CYTH1: variants seen among roughly 807,000 people sequenced by gnomAD.
CYTH1 encodes the protein cytohesin 1, also known as cytohesin-1.
A neutral mutation model predicts 61.8 loss-of-function variants in CYTH1; 18 were observed. The observed-to-expected ratio is 0.29, with a 90% CI of 0.20 to 0.43. CYTH1 has a LOEUF of 0.43. Ranked by LOEUF, CYTH1 falls within the 20% of genes least tolerant of loss-of-function variation. The pLI is 1.00. For synonymous variants in CYTH1, 174 were observed against 184.3 expected (o/e 0.94, Z 0.45); for missense variants, 336 against 510.5 (o/e 0.66, Z 3.29).
chr17:78,676,493 G>A (rs150955528), intron 13 of CYTH1: 27 of 326,066 alleles, frequency 8.3e-5, no homozygotes, highest in African/African-American at 5.6e-4. Flanking sequence ...AAAGACTGGT[G>A]CTTGAGTTTC....
chr17:78,733,695 G>A (rs985706359), intron 1 of CYTH1, among the ~76,000 whole-genome samples: 4 of 152,260 alleles, frequency 2.6e-5, no homozygotes, highest in Non-Finnish European at 5.9e-5. Context: ...AGGCTTCAGA[G>A]GGGCCAACCT....
At chr17:78,734,077 T>C (rs2093308447) in intron 1 of CYTH1, among the ~76,000 whole-genome samples, 1 of 151,992 alleles carries the variant, frequency 6.6e-6, no homozygotes, top group African/African-American at 2.4e-5. Context: ...TGGTGAAACC[T>C]CGTCTCTGCA....
intron 1 of CYTH1, among the ~76,000 whole-genome samples, chr17:78,744,159 A>G (rs1339663459): frequency 2.0e-5 from 3 of 152,204 alleles, no homozygotes; most frequent in Non-Finnish European, 4.4e-5. Context: ...CTGTATCTTC[A>G]CAGCCTTCTT....
intron 13 of CYTH1, among the ~76,000 whole-genome samples, chr17:78,679,634 C>G (rs1028776936): frequency 6.6e-6 from 1 of 152,224 alleles, no homozygotes; most frequent in African/African-American, 2.4e-5. Context: ...GTGGAGCCAA[C>G]AGAGCCGAGA....
chr17:78,778,450 C>T (rs1172955729), intron 1 of CYTH1, among the ~76,000 whole-genome samples: 1 of 151,600 alleles, frequency 6.6e-6, no homozygotes, highest in Non-Finnish European at 1.5e-5. Context: ...CCAGCCTGGC[C>T]AATATGGTGA....
intron 7 of CYTH1, among the ~76,000 whole-genome samples, chr17:78,699,923 G>A (rs1226308338): frequency 4.6e-5 from 7 of 152,090 alleles, no homozygotes; most frequent in Admixed American, 6.5e-5. Flanking sequence ...ACAAATAGCC[G>A]GGACTACAGG....
chr17:78,760,043 G>C (rs2093415840), intron 1 of CYTH1, among the ~76,000 whole-genome samples: 1 of 152,188 alleles, frequency 6.6e-6, no homozygotes, highest in South Asian at 2.1e-4. Flanking sequence ...GCTAGAGTAA[G>C]GAACCAGAAT....
chr17:78,693,497 C>T (rs1396200271), intron 10 of CYTH1, among the ~76,000 whole-genome samples: 1 of 151,912 alleles, frequency 6.6e-6, no homozygotes, highest in Non-Finnish European at 1.5e-5. Context: ...TGGCACATGC[C>T]TATAGTTCCA....
chr17:78,717,504 G>A lies in CYTH1; in HGVS notation c.23-7772C>T, dbSNP rs1368413606. The stretch of plus-strand genomic sequence containing the variant: ...CTTTCATTTATTTATTTATTTAAAT[G>A]TTGCTTTGCAGATTTTAACAGTCGG... On this transcript the variant is annotated intron_variant, in intron 1 of 13. Coordinates refer to ENST00000446868, the MANE Select transcript of CYTH1 (RefSeq NM_004762.6). This position sits in a 1 kb window ranked among gnomAD's most constrained non-coding sequence, Gnocchi z 4.4. Among the ~76,000 whole-genome samples, 1 of 152,158 alleles carries A rather than the reference G, an allele frequency of 6.6e-6. No individual in the cohort carries two copies. Among genetic ancestry groups the A allele is most frequent in the Non-Finnish European group, 1.5e-5 (1 of 68,022 alleles).
chr17:78,694,245 A>G (rs936436706), intron 10 of CYTH1, among the ~76,000 whole-genome samples: 1 of 152,200 alleles, frequency 6.6e-6, no homozygotes, highest in African/African-American at 2.4e-5. Flanking sequence ...TTAATTGCCA[A>G]GATTCCAAAT....
intron 10 of CYTH1, among the ~76,000 whole-genome samples, chr17:78,695,772 C>T (rs2092932008): frequency 6.6e-6 from 1 of 152,138 alleles, no homozygotes; most frequent in Non-Finnish European, 1.5e-5. Flanking sequence ...TGTTTTCTTG[C>T]ATTACTGCAT....
At chr17:78,771,419 G>A (rs574293979) in intron 1 of CYTH1, among the ~76,000 whole-genome samples, 2 of 152,000 alleles carry the variant, frequency 1.3e-5, no homozygotes, top group Admixed American at 6.6e-5. Flanking sequence ...CAACCTGGAC[G>A]ACACAGCAAG....
At chr17:78,754,161 C>T (rs1352920814) in intron 1 of CYTH1, among the ~76,000 whole-genome samples, 1 of 152,084 alleles carries the variant, frequency 6.6e-6, no homozygotes, top group African/African-American at 2.4e-5. Context: ...TAGATAAACT[C>T]GGAAAGGAAA....
chr17:78,742,909 A>T (rs1023179932), intron 1 of CYTH1, among the ~76,000 whole-genome samples: 3 of 152,212 alleles, frequency 2.0e-5, no homozygotes, highest in African/African-American at 7.2e-5. Flanking sequence ...AGCCACAGCT[A>T]AATGCACAGT....
chr17:78,684,658 T>C (rs2092797892), intron 11 of CYTH1, among the ~76,000 whole-genome samples: 1 of 152,190 alleles, frequency 6.6e-6, no homozygotes, highest in Admixed American at 6.5e-5. Flanking sequence ...AAATTATCAT[T>C]GCTGACATTA....
intron 1 of CYTH1, among the ~76,000 whole-genome samples, chr17:78,719,708 A>G (rs2093211855): frequency 6.6e-6 from 1 of 152,174 alleles, no homozygotes; most frequent in Non-Finnish European, 1.5e-5. Context: ...GGAAGCCTGA[A>G]ATTTTGAGAC....
chr17:78,765,446 G>A (rs920315836), intron 1 of CYTH1, among the ~76,000 whole-genome samples: 1 of 152,048 alleles, frequency 6.6e-6, no homozygotes, highest in Non-Finnish European at 1.5e-5. Flanking sequence ...CAGAGAAATC[G>A]CAGAAGTCTT....
intron 1 of CYTH1, among the ~76,000 whole-genome samples, chr17:78,728,800 C>T (rs888670819): frequency 2.6e-5 from 4 of 152,150 alleles, no homozygotes; most frequent in South Asian, 4.1e-4. Context: ...CACTTTGAAT[C>T]GGTAAAGAAA....
intron 11 of CYTH1, among the ~76,000 whole-genome samples, chr17:78,682,868 T>TCAGC (rs2092777572): frequency 6.6e-6 from 1 of 152,214 alleles, no homozygotes; most frequent in Non-Finnish European, 1.5e-5. Flanking sequence ...TGCAGGGTAT[T>TCAGC]CAGTAAGCCT....
Sources: gnomAD v4.1 joint callset for allele counts (sites outside exome capture counted in the v4.1 genomes callset) on GRCh38, gnomAD v4.1.1 for gene constraint, Gnocchi (gnomAD v3.1) non-coding constraint, MANE v1.5 for transcripts, NCBI Gene and HGNC (gene_info 2026-07-23, HGNC 2026-07-21) for gene names.